Variants in TSHR observed in about 807,000 individuals in gnomAD.
TSHR encodes thyroid stimulating hormone receptor, also known as thyrotropin receptor.
Under a neutral mutation model 64.1 loss-of-function variants are expected in TSHR, and 51 were observed. The observed-to-expected ratio is 0.80, with a 90% CI of 0.64 to 1.01. The LOEUF (loss-of-function observed/expected upper bound fraction) is 1.01, where lower values mean the gene tolerates loss of function less well. Among genes scored for constraint, TSHR ranks in the 50% least tolerant of loss-of-function variants. TSHR has a pLI of 0.00. For missense variants in TSHR, 877 were observed against 942.8 expected (o/e 0.93, Z 0.91); for synonymous variants, 361 against 361.9 (o/e 1.00, Z 0.03).
At chr14:81,015,140 G>C (rs548940163) in intron 1 of TSHR, among the ~76,000 whole-genome samples, 2 of 152,210 alleles carry the variant, frequency 1.3e-5, no homozygotes, top group African/African-American at 4.8e-5. Flanking sequence ...ATAGAAATTG[G>C]ACTTTGCAAA....
At chr14:80,990,522 C>T (rs1168571550) in intron 1 of TSHR, among the ~76,000 whole-genome samples, 2 of 152,118 alleles carry the variant, frequency 1.3e-5, no homozygotes, top group Non-Finnish European at 2.9e-5. Context: ...AAGATATGTC[C>T]AATAAAAAAA....
chr14:80,990,149 G>C (rs916697396), intron 1 of TSHR, among the ~76,000 whole-genome samples: 3 of 152,222 alleles, frequency 2.0e-5, no homozygotes, highest in Admixed American at 6.5e-5. Flanking sequence ...AACAGAGTGT[G>C]AGGCAGAGAT....
chr14:80,987,177 A>G (rs989012668), intron 1 of TSHR, among the ~76,000 whole-genome samples: 1 of 152,208 alleles, frequency 6.6e-6, no homozygotes, highest in East Asian at 1.9e-4. Flanking sequence ...TGTATTCTGT[A>G]TCTCCTTCTG....
In TSHR at chr14:80,959,961, G is replaced by A. The variant is rs73346016; in HGVS notation, c.170+4111G>A. 2.0e-3 allele frequency among the ~76,000 whole-genome samples: 301 copies of A among 152,292 alleles called. 2 individuals carry two copies. The highest frequency in any genetic ancestry group is 6.9e-3 in the African/African-American group (285 of 41,568). On this transcript the variant is annotated intron_variant, in intron 1 of 9. Coordinates refer to ENST00000298171, the MANE Select transcript of TSHR (RefSeq NM_000369.5). ...TAGCATGACTTCGTACAAATAAGAG[G>A]TAACCAGAAAACTAAAGACAGAAAA...
At chr14:81,120,572 T>G (rs999479125) in intron 8 of TSHR, among the ~76,000 whole-genome samples, 1 of 152,208 alleles carries the variant, frequency 6.6e-6, no homozygotes. Flanking sequence ...TTCTAACAGG[T>G]TTTTGGTGGA....
chr14:81,041,947 C>T (rs1884943575), intron 1 of TSHR, among the ~76,000 whole-genome samples: 1 of 152,074 alleles, frequency 6.6e-6, no homozygotes, highest in Non-Finnish European at 1.5e-5. Context: ...AGAATATATT[C>T]CAACCCTTAA....
At chr14:81,130,416 T>C (rs1324918997) in intron 8 of TSHR, among the ~76,000 whole-genome samples, 1 of 152,216 alleles carries the variant, frequency 6.6e-6, no homozygotes, top group Non-Finnish European at 1.5e-5. Context: ...TCCATCCTCC[T>C]TGGAATGTAT....
At chr14:80,963,809 G>C (rs1477967988) in intron 1 of TSHR, among the ~76,000 whole-genome samples, 1 of 152,226 alleles carries the variant, frequency 6.6e-6, no homozygotes, top group Non-Finnish European at 1.5e-5. Context: ...GAGAAGGGCA[G>C]GAAAAAGTCG....
chr14:80,986,687 G>A (rs1888469565), intron 1 of TSHR, among the ~76,000 whole-genome samples: 1 of 152,068 alleles, frequency 6.6e-6, no homozygotes, highest in Admixed American at 6.5e-5. Flanking sequence ...GGGTTTCATC[G>A]TGTTGGCCAG....
In TSHR at chr14:81,064,968, T is replaced by C. The variant is rs146384474; in HGVS notation, c.242+2749T>C. Reference sequence around the variant, plus strand: ...TAACGAGGAAGTCATGTTGTAGGACTTTCTCCTTAGTTCAGCTAAAAGCCA... The same window carrying C: ...TAACGAGGAAGTCATGTTGTAGGACCTTCTCCTTAGTTCAGCTAAAAGCCA... On this transcript the variant is annotated intron_variant, in intron 2 of 9. Coordinates refer to ENST00000298171, the MANE Select transcript of TSHR (RefSeq NM_000369.5). 8.3e-4 allele frequency among the ~76,000 whole-genome samples: 127 copies of C among 152,278 alleles called. 1 individual carries two copies. The highest frequency in any genetic ancestry group is 3.0e-3 in the African/African-American group (123 of 41,554).
chr14:81,054,787 T>G (rs1000713496), intron 1 of TSHR, among the ~76,000 whole-genome samples: 2 of 152,152 alleles, frequency 1.3e-5, no homozygotes, highest in Admixed American at 6.6e-5. Context: ...GCATTCAAGA[T>G]GTGACTTGGG....
At chr14:80,983,513 T>C in intron 1 of TSHR, 1 of 1,345,976 alleles carries the variant, frequency 7.4e-7, no homozygotes, top group Non-Finnish European at 1.1e-6. Context: ...TTGTTAGTGG[T>C]GTGGCCATAT....
chr14:81,013,251 T>C (rs1275692511), intron 1 of TSHR: 1 of 152,256 alleles, frequency 6.6e-6, no homozygotes, highest in Non-Finnish European at 1.5e-5. Context: ...CAGATAGTTG[T>C]AGATATGCGG....
At chr14:81,022,216 G>A (rs887528270) in intron 1 of TSHR, among the ~76,000 whole-genome samples, 5 of 152,066 alleles carry the variant, frequency 3.3e-5, no homozygotes, top group Non-Finnish European at 7.4e-5. Context: ...CTTGCAGTGA[G>A]CCGAGATAGT....
At chr14:80,993,992 C>G (rs1888874652) in intron 1 of TSHR, 1 of 152,118 alleles carries the variant, frequency 6.6e-6, no homozygotes, top group Non-Finnish European at 1.5e-5. Context: ...CATCCCCTTG[C>G]ACATCCTCCA....
intron 8 of TSHR, among the ~76,000 whole-genome samples, chr14:81,118,813 C>T (rs1890649986): frequency 6.6e-6 from 1 of 151,128 alleles, no homozygotes. Context: ...CAGCATGGTA[C>T]TGGTACCAAA....
intron 1 of TSHR, among the ~76,000 whole-genome samples, chr14:80,977,253 A>G (rs1887929302): frequency 6.6e-6 from 1 of 152,236 alleles, no homozygotes; most frequent in African/African-American, 2.4e-5. Flanking sequence ...TCTAGAATAA[A>G]TGTTTACTAC....
At chr14:81,022,068 C>G (rs2139802277) in intron 1 of TSHR, among the ~76,000 whole-genome samples, 1 of 145,752 alleles carries the variant, frequency 6.9e-6, no homozygotes, top group South Asian at 2.2e-4. Context: ...CAAAACCATC[C>G]TGGCTAACAT....
chr14:81,133,950 C>T (rs1021946928), intron 8 of TSHR, among the ~76,000 whole-genome samples: 1 of 152,010 alleles, frequency 6.6e-6, no homozygotes, highest in African/African-American at 2.4e-5. Context: ...ATTGAGAACA[C>T]ACTAAGAGCT....
Sources: allele counts gnomAD v4.1 joint callset (sites outside exome capture counted in the v4.1 genomes callset), GRCh38; gene constraint gnomAD v4.1.1; transcripts MANE v1.5; gene names NCBI Gene and HGNC (gene_info 2026-07-23, HGNC 2026-07-21).